The following TOP1 variants were observed in gnomAD, a reference collection of about 807,000 sequenced individuals.
TOP1 encodes the protein DNA topoisomerase 1.
Under a neutral mutation model 111.1 loss-of-function variants are expected in TOP1, and 10 were observed. That is an observed-to-expected ratio of 0.09 (90% confidence interval 0.06 to 0.15). The LOEUF (loss-of-function observed/expected upper bound fraction) is 0.15. Among genes scored for constraint, TOP1 ranks in the 10% least tolerant of loss-of-function variants. The pLI is 1.00. For missense variants in TOP1, 474 were observed against 926.7 expected, an observed-to-expected ratio of 0.51 and a Z score of 6.34; for synonymous variants, 271 against 302.9, an observed-to-expected ratio of 0.89 and a Z score of 1.10.
chr20:41,033,082 G>A (rs2033140791), intron 2 of TOP1, among the ~76,000 whole-genome samples: 1 of 152,106 alleles, frequency 6.6e-6, no homozygotes, highest in Non-Finnish European at 1.5e-5. Flanking sequence ...AAAGTTGCTT[G>A]TCAATATGTG....
chr20:41,077,948 ATTTTT>A (rs57349578), intron 5 of TOP1, among the ~76,000 whole-genome samples: 102 of 129,516 alleles, frequency 7.9e-4, no homozygotes, highest in Non-Finnish European at 7.7e-4. Flanking sequence ...ACAGTGTACC[ATTTTT>A]TTTTTTTTTT....
intron 2 of TOP1, among the ~76,000 whole-genome samples, chr20:41,059,100 T>C (rs1399434750): frequency 6.6e-6 from 1 of 152,034 alleles, no homozygotes; most frequent in African/African-American, 2.4e-5. Flanking sequence ...TTCTCACTTA[T>C]AAGTGGGAGC....
intron 8 of TOP1, among the ~76,000 whole-genome samples, chr20:41,091,874 TTTC>T (rs2145945621): frequency 6.6e-6 from 1 of 152,310 alleles, no homozygotes; most frequent in African/African-American, 2.4e-5. Context: ...TACTCATTTT[TTTC>T]TTATGTTCGA....
At chr20:41,057,672 T>C (rs2033490913) in intron 2 of TOP1, among the ~76,000 whole-genome samples, 1 of 152,350 alleles carries the variant, frequency 6.6e-6, no homozygotes, top group South Asian at 2.1e-4. Flanking sequence ...TTTAATATTT[T>C]GATGTCTGTA....
At chr20:41,075,962 A>G (rs1209419254) in intron 3 of TOP1, among the ~76,000 whole-genome samples, 1 of 152,234 alleles carries the variant, frequency 6.6e-6, no homozygotes, top group Non-Finnish European at 1.5e-5. Context: ...TGGTGTGTCT[A>G]GAATGATGGT....
chr20:41,037,901 G>T (rs1034310880), intron 2 of TOP1, among the ~76,000 whole-genome samples: 1 of 152,094 alleles, frequency 6.6e-6, no homozygotes, highest in Non-Finnish European at 1.5e-5. Flanking sequence ...TAGGCAGGAG[G>T]ACATAATTTT....
At position 41,101,948 on chromosome 20, in the gene TOP1, C is replaced by G. The variant is rs866915425; in HGVS notation, c.1308+595C>G. Among the ~76,000 whole-genome samples the G allele has an allele frequency of 1.3e-3, 205 of 152,346 alleles. No homozygotes were observed. Among genetic ancestry groups the G allele is most frequent in the African/African-American group, 4.7e-3 (195 of 41,586 alleles). On this transcript the variant is annotated intron_variant, in intron 13 of 20. Transcript: ENST00000361337. This position sits in a 1 kb window ranked among gnomAD's most constrained non-coding sequence, Gnocchi z 4.1. Reference sequence around the variant, plus strand: ...TGATAGTGTTATTGCAAGGAGATAACTGCCTTGGGGGAAATCAGTTTTTGT... The same window carrying G: ...TGATAGTGTTATTGCAAGGAGATAAGTGCCTTGGGGGAAATCAGTTTTTGT...
chr20:41,113,727 A>T (rs113938402), intron 14 of TOP1, among the ~76,000 whole-genome samples: 15,566 of 150,968 alleles, frequency 0.1, 1,181 homozygotes, highest in African/African-American at 0.2. Context: ...AAAAAAAAAA[A>T]AAAAATAAAA....
At chr20:41,089,545 T>C (rs2033892948) in intron 8 of TOP1, among the ~76,000 whole-genome samples, 1 of 152,244 alleles carries the variant, frequency 6.6e-6, no homozygotes, top group Non-Finnish European at 1.5e-5. Context: ...ATTTTGTTTA[T>C]TCATTCATCT....
chr20:41,107,022 G>T (rs2034157391), intron 13 of TOP1, among the ~76,000 whole-genome samples: 1 of 151,984 alleles, frequency 6.6e-6, no homozygotes, highest in Non-Finnish European at 1.5e-5. Context: ...ACCTTCTGGG[G>T]TTTCTTGTCT....
Position 41,109,743 on chromosome 20 carries a change from G to C in TOP1, c.1309-3039G>C, listed in dbSNP as rs1216465767. 1.3e-5 allele frequency among the ~76,000 whole-genome samples: 2 copies of C among 152,206 alleles called. No homozygotes were observed. Among genetic ancestry groups the C allele is most frequent in the Non-Finnish European group, 2.9e-5 (2 of 68,034 alleles). ...CTCGACATCACTAATTATCAGTGGAGTGAAGATTTAACCACAGGGAGATAC... is the reference window on the plus strand; with the variant it reads ...CTCGACATCACTAATTATCAGTGGACTGAAGATTTAACCACAGGGAGATAC... On this transcript the variant is annotated intron_variant, in intron 13 of 20. Coordinates refer to ENST00000361337, the MANE Select transcript of TOP1 (RefSeq NM_003286.4). The surrounding 1 kb of genome is among the most constrained non-coding windows in gnomAD (Gnocchi z 4.1).
Position 41,078,806 on chromosome 20 carries a change from C to G in TOP1, c.335+1169C>G, listed in dbSNP as rs1384042673. On this transcript the variant is annotated intron_variant, in intron 5 of 20. Transcript: ENST00000361337. This position sits in a 1 kb window ranked among gnomAD's most constrained non-coding sequence, Gnocchi z 5.3. The stretch of plus-strand genomic sequence containing the variant: ...TTTGAGGCAGTGGTCTCTATGTTCA[C>G]TTTGCTGGACTCCTTGCTGGCTTGT... 6.6e-6 allele frequency among the ~76,000 whole-genome samples: 1 copy of G among 152,184 alleles called. No individual in the cohort carries two copies. Among genetic ancestry groups the G allele is most frequent in the African/African-American group, 2.4e-5 (1 of 41,450 alleles).
chr20:41,093,455 C>T (rs1224310522), intron 9 of TOP1, among the ~76,000 whole-genome samples: 1 of 151,954 alleles, frequency 6.6e-6, no homozygotes, highest in Non-Finnish European at 1.5e-5. Context: ...CCATCCTTCC[C>T]TCTTCTGTCC....
Position 41,080,915 on chromosome 20 carries a change from C to T in TOP1, c.432-250C>T, listed in dbSNP as rs555383479. Among the ~76,000 whole-genome samples, 16 of 151,686 alleles carry T rather than the reference C, an allele frequency of 1.1e-4. No homozygotes were observed. Among genetic ancestry groups the T allele is most frequent in the Admixed American group, 7.9e-4 (12 of 15,224 alleles). ...AATGATATTTATTTCTGCATATATCCCCCCACCCTATTTTGCTTCCAGGCC... is the reference window on the plus strand; with the variant it reads ...AATGATATTTATTTCTGCATATATCTCCCCACCCTATTTTGCTTCCAGGCC... On this transcript the variant is annotated intron_variant, in intron 6 of 20. Coordinates refer to ENST00000361337, the MANE Select transcript of TOP1 (RefSeq NM_003286.4). The surrounding 1 kb of genome is among the most constrained non-coding windows in gnomAD (Gnocchi z 5.0).
Position 41,058,155 on chromosome 20 carries a change from T to C in TOP1, c.59-3239T>C, listed in dbSNP as rs1024964464. Among the ~76,000 whole-genome samples the C allele has an allele frequency of 2.6e-5, 4 of 152,236 alleles. No individual in the cohort carries two copies. The highest frequency in any genetic ancestry group is 9.6e-5 in the African/African-American group (4 of 41,452). ...TACTACGGTCATGCAGATTTCTATT[T>C]TCCCAGGGCCTGACACAGAATAGAT... On this transcript the variant is annotated intron_variant, in intron 2 of 20. Coordinates refer to ENST00000361337, the MANE Select transcript of TOP1 (RefSeq NM_003286.4). This position sits in a 1 kb window ranked among gnomAD's most constrained non-coding sequence, Gnocchi z 4.2.
Position 41,110,217 on chromosome 20 carries a change from A to G in TOP1, c.1309-2565A>G, listed in dbSNP as rs904485419. Among the ~76,000 whole-genome samples, 1 of 152,172 alleles carries G rather than the reference A, an allele frequency of 6.6e-6. No individual in the cohort carries two copies. Among genetic ancestry groups the G allele is most frequent in the Non-Finnish European group, 1.5e-5 (1 of 68,018 alleles). ...TGGGAATCGCTTGAACCTGAGGGGTAGAGGTTGCACTGAGCCGAGATTGCA... is the reference window on the plus strand; with the variant it reads ...TGGGAATCGCTTGAACCTGAGGGGTGGAGGTTGCACTGAGCCGAGATTGCA... On this transcript the variant is annotated intron_variant, in intron 13 of 20. Transcript: ENST00000361337. The surrounding 1 kb of genome is among the most constrained non-coding windows in gnomAD (Gnocchi z 4.2).
Position 41,067,229 on chromosome 20 carries a change from C to CCTGCCTCA in TOP1, c.155+5740_155+5747dup, listed in dbSNP as rs1284309770. 6.6e-6 allele frequency among the ~76,000 whole-genome samples: 1 copy of CCTGCCTCA among 152,120 alleles called. No individual in the cohort carries two copies. Among genetic ancestry groups the CCTGCCTCA allele is most frequent in the African/African-American group, 2.4e-5 (1 of 41,406 alleles). ...CTGCCTCCTGGGTTCAAGCGATTCT[C>CCTGCCTCA]CTGCCTCAGCCTCCCGAGTAGCTGG... On this transcript the variant is annotated intron_variant, in intron 3 of 20. Transcript: ENST00000361337. The surrounding 1 kb of genome is among the most constrained non-coding windows in gnomAD (Gnocchi z 4.0).
rs2033812699 is a variant in TOP1, at chr20:41,083,487, T to C, written c.508-975T>C. 6.6e-6 allele frequency among the ~76,000 whole-genome samples: 1 copy of C among 152,192 alleles called. No individual in the cohort carries two copies. The highest frequency in any genetic ancestry group is 2.1e-4 in the South Asian group (1 of 4,834). ...TTTTTCTCATAAAGTTAGGCTCTTATCATAGTTAATAACAGCTATATGACC... is the reference window on the plus strand; with the variant it reads ...TTTTTCTCATAAAGTTAGGCTCTTACCATAGTTAATAACAGCTATATGACC... On this transcript the variant is annotated intron_variant, in intron 7 of 20. Transcript: ENST00000361337. The surrounding 1 kb of genome is among the most constrained non-coding windows in gnomAD (Gnocchi z 7.2).
intron 2 of TOP1, among the ~76,000 whole-genome samples, chr20:41,038,469 C>G (rs1291570627): frequency 1.3e-5 from 2 of 152,136 alleles, no homozygotes; most frequent in Non-Finnish European, 2.9e-5. Context: ...AAGGGAACAT[C>G]TTTACTTTCT....
Sources: allele counts gnomAD v4.1 joint callset (sites outside exome capture counted in the v4.1 genomes callset), GRCh38; gene constraint gnomAD v4.1.1; non-coding constraint Gnocchi (gnomAD v3.1); transcripts MANE v1.5; gene names NCBI Gene and HGNC (gene_info 2026-07-23, HGNC 2026-07-21).